The following MAP3K4 variants were observed in gnomAD, a reference collection of about 807,000 sequenced individuals.
The protein encoded by MAP3K4 is MAP three kinase 1.
MAP3K4 carries 67 observed loss-of-function variants against 185.6 expected under a neutral mutation model. The ratio of observed to expected loss-of-function variants is 0.36; its 90% confidence interval spans 0.30 to 0.44. The LOEUF is 0.44. MAP3K4 is among the 20% of genes least tolerant of loss of function. MAP3K4 has a pLI of 1.00. For synonymous variants in MAP3K4, 702 were observed against 710.4 expected (o/e 0.99, Z 0.19); for missense variants, 1,551 against 1,995.1 (o/e 0.78, Z 4.24).
At chr6:161,066,051 T>G (rs1784699590) in intron 3 of MAP3K4, among the ~76,000 whole-genome samples, 1 of 151,822 alleles carries the variant, frequency 6.6e-6, no homozygotes, top group Non-Finnish European at 1.5e-5. Context: ...AGATTTTGGG[T>G]TTTTGGATTA....
At chr6:161,062,276 C>T (rs1291700261) in intron 3 of MAP3K4, among the ~76,000 whole-genome samples, 1 of 152,010 alleles carries the variant, frequency 6.6e-6, no homozygotes, top group Admixed American at 6.6e-5. Context: ...ATTTCATATG[C>T]CCTTTCTTTT....
Position 161,078,727 on chromosome 6 carries a change from C to T in MAP3K4, c.2098-2154C>T, listed in dbSNP as rs79263534. ...CTGAAGAAGTGTTCGGTGGGTTTTC[C>T]GCATGATGCTAAGCCACGGCAGGGT... On this transcript the variant is annotated intron_variant, in intron 5 of 26. Transcript: ENST00000392142. 2.2e-3 allele frequency among the ~76,000 whole-genome samples: 332 copies of T among 152,172 alleles called. 2 individuals carry two copies. Among genetic ancestry groups the T allele is most frequent in the African/African-American group, 7.4e-3 (309 of 41,518 alleles).
Position 161,086,777 on chromosome 6 carries a change from G to A in MAP3K4, c.2556+110G>A. On this transcript the variant is annotated intron_variant, in intron 9 of 26. Coordinates refer to ENST00000392142, the MANE Select transcript of MAP3K4 (RefSeq NM_005922.4). The surrounding 1 kb of genome is among the most constrained non-coding windows in gnomAD (Gnocchi z 4.8). ...ATAGTAAATATTACAGGCTCTGAAG[G>A]CTGTACCACAACCCCAGTTGTAAGA... 1.3e-6 allele frequency: 1 copy of A among 772,942 alleles called. No individual in the cohort carries two copies. Among genetic ancestry groups the A allele is most frequent in the Non-Finnish European group, 2.1e-6 (1 of 480,654 alleles). The allele number at this position is 772,942 out of a possible 1,614,324, so 47.9% of individuals were successfully genotyped here.
At position 161,088,690 on chromosome 6, in the gene MAP3K4, C is replaced by T. The variant is rs538215501; in HGVS notation, c.2824-632C>T. The stretch of plus-strand genomic sequence containing the variant: ...CAGTAAATGATCCTTTCCCTGCATC[C>T]CCAGAGCAGCTGCTGTAGTCAGCAC... On this transcript the variant is annotated intron_variant, in intron 10 of 26. Coordinates refer to ENST00000392142, the MANE Select transcript of MAP3K4 (RefSeq NM_005922.4). This position sits in a 1 kb window ranked among gnomAD's most constrained non-coding sequence, Gnocchi z 4.5. Among the ~76,000 whole-genome samples, 8 of 152,266 alleles carry T rather than the reference C, an allele frequency of 5.3e-5. No individual in the cohort carries two copies. Among genetic ancestry groups the T allele is most frequent in the African/African-American group, 1.9e-4 (8 of 41,544 alleles).
intron 1 of MAP3K4, among the ~76,000 whole-genome samples, chr6:160,999,166 G>A (rs1378253547): frequency 6.6e-6 from 1 of 152,330 alleles, no homozygotes; most frequent in South Asian, 2.1e-4. Flanking sequence ...GATGTTTTCA[G>A]TGGAAGCTTT....
rs139552351 is a variant in MAP3K4, at chr6:161,077,874, A to T, written c.2098-3007A>T. The stretch of plus-strand genomic sequence containing the variant: ...AACTAAGGGAAAGAGATGGGAAAAA[A>T]ATATATATATGTATTAATATGTATA... On this transcript the variant is annotated intron_variant, in intron 5 of 26. Transcript: ENST00000392142. This position sits in a 1 kb window ranked among gnomAD's most constrained non-coding sequence, Gnocchi z 4.3. 4.9e-3 allele frequency among the ~76,000 whole-genome samples: 752 copies of T among 152,188 alleles called. 6 individuals are homozygous for T. The highest frequency in any genetic ancestry group is 6.9e-3 in the Non-Finnish European group (471 of 68,000).
chr6:161,029,215 G>C (rs139115090), intron 1 of MAP3K4, among the ~76,000 whole-genome samples: 1 of 151,544 alleles, frequency 6.6e-6, no homozygotes, highest in Non-Finnish European at 1.5e-5. Flanking sequence ...GAAGGATGTC[G>C]CTAAATGAAG....
intron 1 of MAP3K4, among the ~76,000 whole-genome samples, chr6:161,006,344 A>G (rs1781581292): frequency 6.6e-6 from 1 of 152,220 alleles, no homozygotes; most frequent in Non-Finnish European, 1.5e-5. Flanking sequence ...CAGATTGAAA[A>G]TATTCAGAAA....
intron 3 of MAP3K4, among the ~76,000 whole-genome samples, chr6:161,060,676 G>GT (rs1784447741): frequency 6.8e-6 from 1 of 146,946 alleles, no homozygotes; most frequent in African/African-American, 2.5e-5. Context: ...CTAGAGTGCA[G>GT]TGGCGTGATC....
In MAP3K4 at chr6:161,098,896, G is replaced by A. The variant is rs1777705952; in HGVS notation, c.3674+469G>A. On this transcript the variant is annotated intron_variant, in intron 17 of 26. Transcript: ENST00000392142. This position sits in a 1 kb window ranked among gnomAD's most constrained non-coding sequence, Gnocchi z 4.4. ...TGATTAGAAGTAGTTTATAGAAGTG[G>A]AAAAATGAGTTCATGGGGTTTGTAT... is the stretch of plus-strand genomic sequence containing the variant. 6.6e-6 allele frequency among the ~76,000 whole-genome samples: 1 copy of A among 152,138 alleles called. No homozygotes were observed. Among genetic ancestry groups the A allele is most frequent in the Non-Finnish European group, 1.5e-5 (1 of 68,020 alleles).
In MAP3K4 at chr6:161,097,752, T is replaced by A. The variant is rs1777633862; in HGVS notation, c.3525-526T>A. ...TTAAAAGTTTAATTTTATTTGACAA[T>A]ATTTGCTAGATAAGGACCACAGTTT... On this transcript the variant is annotated intron_variant, in intron 16 of 26. Transcript: ENST00000392142. The surrounding 1 kb of genome is among the most constrained non-coding windows in gnomAD (Gnocchi z 4.9). Among the ~76,000 whole-genome samples, 1 of 150,882 alleles carries A rather than the reference T, an allele frequency of 6.6e-6. No individual in the cohort carries two copies. The highest frequency in any genetic ancestry group is 2.4e-5 in the African/African-American group (1 of 41,128).
In MAP3K4 at chr6:161,056,656, A is replaced by G. The variant is rs73784730; in HGVS notation, c.1707+6677A>G. Among the ~76,000 whole-genome samples, 1,261 of 152,316 alleles carry G rather than the reference A, an allele frequency of 8.3e-3. 15 individuals are homozygous for G. The highest frequency in any genetic ancestry group is 0.065 in the Middle Eastern group (19 of 294). On this transcript the variant is annotated intron_variant, in intron 3 of 26. Coordinates refer to ENST00000392142, the MANE Select transcript of MAP3K4 (RefSeq NM_005922.4). The surrounding 1 kb of genome is among the most constrained non-coding windows in gnomAD (Gnocchi z 5.4). The stretch of plus-strand genomic sequence containing the variant: ...CAGTACCCCTGTGAGGAATAAATTT[A>G]TCAACTAGGGTGTAGTGTTTCAGTC...
Position 161,049,836 on chromosome 6 carries a change from C to G in MAP3K4, c.1564C>G (p.Leu522Val). The G allele has an allele frequency of 6.2e-7, 1 of 1,614,128 alleles. No individual in the cohort carries two copies. ...STEAGFSRHC[L>V]TSIYRPFVDK... ...AGAAGCAGGCTTTAGTAGACATTGT[C>G]TGACTTCTATTTATAGACCATTTGT... The change falls in exon 3 of 27, where the codon CTG (leucine) becomes GTG (valine). Residue 522 changes from leucine (L) to valine (V), a missense_variant. Around this residue, in one of 16 missense-constraint regions of MAP3K4, gnomAD observed 126 missense variants for 112.8 expected, o/e 1.12. Coordinates refer to ENST00000392142, the MANE Select transcript of MAP3K4 (RefSeq NM_005922.4). This position sits in a 1 kb window ranked among gnomAD's most constrained non-coding sequence, Gnocchi z 8.4.
chr6:161,021,340 G>A (rs1782375918), intron 1 of MAP3K4, among the ~76,000 whole-genome samples: 4 of 152,086 alleles, frequency 2.6e-5, no homozygotes, highest in Non-Finnish European at 4.4e-5. Context: ...GCTGCTTCTG[G>A]GACTCGGATT....
In MAP3K4 at chr6:161,089,352, T is replaced by C. The variant is rs745308793; in HGVS notation, c.2854T>C (p.Ser952Pro). ...VDNLLLVVMQ[S>P]AHLTIQRKAF... ...TAATCTTTTACTAGTTGTCATGCAG[T>C]CTGCGCATCTCACAATTCAGAGAAA... Residue 952 changes from serine to proline, a missense_variant, in exon 11 of 27, where the codon TCT (serine) becomes CCT (proline). Ser to Pro is a moderately conservative substitution (Grantham distance 74). Coordinates refer to ENST00000392142, the MANE Select transcript of MAP3K4 (RefSeq NM_005922.4). The C allele has an allele frequency of 8.7e-6, 14 of 1,614,044 alleles. No homozygotes were observed. The highest frequency in any genetic ancestry group is 1.3e-5 in the African/African-American group (1 of 74,942).
At chr6:161,000,773 G>A (rs1430640478) in intron 1 of MAP3K4, among the ~76,000 whole-genome samples, 2 of 149,402 alleles carry the variant, frequency 1.3e-5, no homozygotes, top group Non-Finnish European at 2.9e-5. Context: ...ACACACATAT[G>A]TGTACACCCA....
Position 161,116,130 on chromosome 6 carries a change from G to A in MAP3K4, c.4807-720G>A. Among the ~76,000 whole-genome samples, 1 of 152,056 alleles carries A rather than the reference G, an allele frequency of 6.6e-6. No individual in the cohort carries two copies. Among genetic ancestry groups the A allele is most frequent in the East Asian group, 1.9e-4 (1 of 5,166 alleles). ...GTGAGTGAGGGGAGGAGTCTAGAGT[G>A]GCTCCCAGGTTTCTGGTTTGTGTCA... On this transcript the variant is annotated intron_variant, in intron 26 of 26. Coordinates refer to ENST00000392142, the MANE Select transcript of MAP3K4 (RefSeq NM_005922.4). This position sits in a 1 kb window ranked among gnomAD's most constrained non-coding sequence, Gnocchi z 6.2.
In MAP3K4 at chr6:161,116,087, C is replaced by A. The variant is rs1778581793; in HGVS notation, c.4807-763C>A. On this transcript the variant is annotated intron_variant, in intron 26 of 26. Coordinates refer to ENST00000392142, the MANE Select transcript of MAP3K4 (RefSeq NM_005922.4). The surrounding 1 kb of genome is among the most constrained non-coding windows in gnomAD (Gnocchi z 6.2). ...AAGAGTTAGAGTGCCGTGGCTGACC[C>A]CTGATTGGATGTGAAAGGTGAGTGA... 6.6e-6 allele frequency among the ~76,000 whole-genome samples: 1 copy of A among 152,008 alleles called. No homozygotes were observed. The highest frequency in any genetic ancestry group is 6.6e-5 in the Admixed American group (1 of 15,264).
At position 161,099,185 on chromosome 6, in the gene MAP3K4, A is replaced by C. The variant is rs556532717; in HGVS notation, c.3674+758A>C. Among the ~76,000 whole-genome samples the C allele has an allele frequency of 3.3e-5, 5 of 152,314 alleles. No homozygotes were observed. The East Asian group carries it at 9.6e-4, about 29-fold the overall frequency. On this transcript the variant is annotated intron_variant, in intron 17 of 26. Coordinates refer to ENST00000392142, the MANE Select transcript of MAP3K4 (RefSeq NM_005922.4). ...CATCTTCCAATGCAAGTCAAACCAA[A>C]CTATGTAGATTGGGGGTATGTGATC... is the stretch of plus-strand genomic sequence containing the variant.
Sources: gnomAD v4.1 joint callset for allele counts (sites outside exome capture counted in the v4.1 genomes callset) on GRCh38, gnomAD v4.1.1 for gene constraint, gnomAD v4.1.1 regional missense constraint, Gnocchi (gnomAD v3.1) non-coding constraint, MANE v1.5 for transcripts, NCBI Gene and HGNC (gene_info 2026-07-23, HGNC 2026-07-21) for gene names.